Variants in DNAI1 observed in about 807,000 individuals in gnomAD.
The protein encoded by DNAI1 is dynein axonemal intermediate chain 1.
DNAI1 carries 67 observed loss-of-function variants against 92.0 expected under a neutral mutation model. That is an observed-to-expected ratio of 0.73 (90% CI 0.60 to 0.89). The LOEUF (loss-of-function observed/expected upper bound fraction) is 0.89, where lower values mean the gene tolerates loss of function less well. Ranked by LOEUF, DNAI1 falls within the 40% of genes least tolerant of loss-of-function variation. The pLI is 0.00. For synonymous variants in DNAI1, 323 were observed against 319.6 expected, an observed-to-expected ratio of 1.01 and a Z score of -0.11; for missense variants, 839 against 866.6, an observed-to-expected ratio of 0.97 and a Z score of 0.40.
intron 13 of DNAI1, among the ~76,000 whole-genome samples, chr9:34,509,733 A>C (rs539207302): frequency 2.6e-5 from 4 of 152,110 alleles, no homozygotes; most frequent in African/African-American, 9.6e-5. Flanking sequence ...GGGGTAGCAA[A>C]ATCAATAGAA....
intron 19 of DNAI1, among the ~76,000 whole-genome samples, chr9:34,518,693 A>C (rs901042917): frequency 6.6e-6 from 1 of 152,230 alleles, no homozygotes. Flanking sequence ...AGAGTTGGAC[A>C]ACCCTCCAGG....
At position 34,513,264 on chromosome 9, in the gene DNAI1, C is replaced by T. The variant is rs1825108702; in HGVS notation, c.1569+73C>T. On this transcript the variant is annotated intron_variant, in intron 16 of 19. Transcript: ENST00000242317. ...CACCTGGGGAGCTTAGAGTTCTCAA[C>T]AGATCCTATTTTGATGGATTTTAGT... 11 of 1,166,660 alleles carry T rather than the reference C, an allele frequency of 9.4e-6. No homozygotes were observed. In the East Asian group the frequency reaches 2.6e-4, roughly 27 times the overall value. The allele number at this position is 1,166,660 out of a possible 1,614,324, so 72.3% of individuals were successfully genotyped here.
At chr9:34,459,420 A>ATTTTTC (rs1180468107) in intron 1 of DNAI1, among the ~76,000 whole-genome samples, 2 of 150,094 alleles carry the variant, frequency 1.3e-5, no homozygotes, top group East Asian at 3.9e-4. Context: ...TCCCAAAGGA[A>ATTTTTC]TTTTTCTTTT....
At chr9:34,479,846 G>A (rs1317250142) in intron 1 of DNAI1, among the ~76,000 whole-genome samples, 1 of 152,154 alleles carries the variant, frequency 6.6e-6, no homozygotes, top group East Asian at 1.9e-4. Flanking sequence ...CCCAGCCCAA[G>A]ATGAGACATG....
chr9:34,510,538 C>T (rs538313522), intron 13 of DNAI1, among the ~76,000 whole-genome samples: 65 of 152,250 alleles, frequency 4.3e-4, no homozygotes, highest in African/African-American at 1.5e-3. Flanking sequence ...ACCTCACTTA[C>T]CACCCTCCCT....
At chr9:34,478,805 C>G (rs77331677) in intron 1 of DNAI1, 1 of 152,196 alleles carries the variant, frequency 6.6e-6, no homozygotes, top group Non-Finnish European at 1.5e-5. Flanking sequence ...AGCATAAGAA[C>G]GCCAAGCTGC....
At position 34,512,391 on chromosome 9, in the gene DNAI1, G is replaced by A. The variant is rs1344228301; in HGVS notation, c.1456G>A (p.Glu486Lys). The A allele has an allele frequency of 6.2e-7, 1 of 1,614,186 alleles. No individual in the cohort carries two copies. The highest frequency in any genetic ancestry group is 1.7e-5 in the Admixed American group (1 of 60,022). Reference protein sequence around the residue: ...IKLKVEGSTTEVPEGLQLHPV... With the variant: ...IKLKVEGSTTKVPEGLQLHPV... The stretch of plus-strand genomic sequence containing the variant: ...GCTGAAGGTGGAAGGCAGCACCACG[G>A]AAGTTCCTGAGGGGTTGCAGCTGCA... Residue 486 changes from glutamate (E) to lysine (K), a missense_variant, in exon 15 of 20, where the codon GAA (glutamate) becomes AAA (lysine). Physicochemically the swap from Glu to Lys is moderately conservative, Grantham distance 56. Coordinates refer to ENST00000242317, the MANE Select transcript of DNAI1 (RefSeq NM_012144.4).
At chr9:34,463,911 C>G (rs941613873) in intron 1 of DNAI1, among the ~76,000 whole-genome samples, 1 of 152,098 alleles carries the variant, frequency 6.6e-6, no homozygotes, top group East Asian at 1.9e-4. Flanking sequence ...GGCCTGGTAT[C>G]CACAGATGAA....
intron 1 of DNAI1, among the ~76,000 whole-genome samples, chr9:34,469,508 C>A (rs934019490): frequency 6.6e-6 from 1 of 151,844 alleles, no homozygotes; most frequent in Non-Finnish European, 1.5e-5. Flanking sequence ...ATCAAGTGAT[C>A]CTCCTGCCTC....
chr9:34,475,475 C>T (rs1315540321), intron 1 of DNAI1, among the ~76,000 whole-genome samples: 2 of 152,122 alleles, frequency 1.3e-5, no homozygotes, highest in Non-Finnish European at 2.9e-5. Context: ...AGGCAAAGGG[C>T]CACACAGATC....
rs1247456852 is a variant in DNAI1 at position 34,501,150 on chromosome 9, C to A, written c.1032C>A (p.Tyr344Ter). The part of the protein sequence containing the change: ...SVTALCWNPK[Y>*]RDLFAVGYGS... ...TTTTTTTTTGCAGGAATCCAAAGTA[C>A]AGGGATCTGTTTGCAGTGGGATATG... The change falls in exon 12 of 20, where the codon TAC becomes TAA. Residue 344 changes from tyrosine to a stop codon, truncating the protein, a stop_gained. Coordinates refer to ENST00000242317, the MANE Select transcript of DNAI1 (RefSeq NM_012144.4). LOFTEE classifies it high-confidence loss of function. The A allele has an allele frequency of 6.2e-7, 1 of 1,613,636 alleles. No individual in the cohort carries two copies.
chr9:34,477,914 C>T (rs1824267533), intron 1 of DNAI1, among the ~76,000 whole-genome samples: 1 of 69,958 alleles, frequency 1.4e-5, no homozygotes, highest in East Asian at 6.6e-4. Context: ...GTCTCTCTCT[C>T]TCTCTCTCTC....
rs191781694 is a variant in DNAI1, at chr9:34,507,070, T to G, written c.1311+196T>G. Among the ~76,000 whole-genome samples the G allele has an allele frequency of 5.5e-4, 83 of 152,290 alleles. 2 individuals carry two copies. In the East Asian group the frequency reaches 0.015, roughly 28 times the overall value. ...AGGCAAGAGGGTCTCCAGTGAGAGC[T>G]GGGGTCTGCTGCTCCAGAGCTTCCC... On this transcript the variant is annotated intron_variant, in intron 13 of 19. Coordinates refer to ENST00000242317, the MANE Select transcript of DNAI1 (RefSeq NM_012144.4).
chr9:34,469,520 G>A (rs1824100917), intron 1 of DNAI1, among the ~76,000 whole-genome samples: 3 of 151,912 alleles, frequency 2.0e-5, no homozygotes, highest in Admixed American at 2.0e-4. Context: ...TCCTGCCTCA[G>A]CCTCCCAAAG....
chr9:34,466,400 A>G (rs1824038976), intron 1 of DNAI1, among the ~76,000 whole-genome samples: 1 of 152,252 alleles, frequency 6.6e-6, no homozygotes, highest in African/African-American at 2.4e-5. Flanking sequence ...ACTGGAGTGT[A>G]TATGGACAAA....
In DNAI1 at chr9:34,493,336, G is replaced by A. The variant is rs367872627; in HGVS notation, c.816+8G>A. On this transcript the variant is annotated splice_region_variant and intron_variant, in intron 9 of 19. Transcript: ENST00000242317. ...ACATCTATGGAGTCTCAGGTTTGGTGTTAGTTCCTACAGCTCTGCCACAGA... is the reference window on the plus strand; with the variant it reads ...ACATCTATGGAGTCTCAGGTTTGGTATTAGTTCCTACAGCTCTGCCACAGA... 159 of 1,613,924 alleles carry A rather than the reference G, an allele frequency of 9.9e-5. No individual in the cohort carries two copies. The highest frequency in any genetic ancestry group is 1.3e-4 in the Non-Finnish European group (152 of 1,179,900).
At chr9:34,492,508 A>AGATATC (rs1824626619) in intron 8 of DNAI1, among the ~76,000 whole-genome samples, 1 of 62,068 alleles carries the variant, frequency 1.6e-5, no homozygotes, top group African/African-American at 5.6e-5. Flanking sequence ...ATATATATAT[A>AGATATC]TATATATATA....
intron 18 of DNAI1, 71 bp from the exon 19 acceptor site, chr9:34,517,214 G>C (rs1825185260): frequency 1.0e-5 from 16 of 1,541,764 alleles, no homozygotes; most frequent in Non-Finnish European, 1.3e-5. Context: ...AGGAAGTCCA[G>C]GGACTCATTC....
chr9:34,462,326 T>C (rs1010266649), intron 1 of DNAI1, among the ~76,000 whole-genome samples: 2 of 152,220 alleles, frequency 1.3e-5, no homozygotes, highest in African/African-American at 4.8e-5. Context: ...TCTACTAGTC[T>C]ACTCCACCCT....
Sources: allele counts gnomAD v4.1 joint callset (sites outside exome capture counted in the v4.1 genomes callset), GRCh38; gene constraint gnomAD v4.1.1; transcripts MANE v1.5; gene names NCBI Gene and HGNC (gene_info 2026-07-23, HGNC 2026-07-21).